The following SORCS3 variants were observed in gnomAD, a reference collection of about 807,000 sequenced individuals.
SORCS3 encodes VPS10 domain-containing receptor SorCS3.
In SORCS3, 57 loss-of-function variants were observed where a neutral mutation model predicts 146.3. The observed-to-expected ratio is 0.39, with a 90% CI of 0.31 to 0.49. The LOEUF (loss-of-function observed/expected upper bound fraction) is 0.49. Among genes scored for constraint, SORCS3 ranks in the 20% least tolerant of loss-of-function variants. The pLI, the probability that SORCS3 is intolerant of heterozygous loss-of-function variation, is 0.92. For synonymous variants in SORCS3, 653 were observed against 618.5 expected, an observed-to-expected ratio of 1.06 and a Z score of -0.83; for missense variants, 1,341 against 1,575.5, an observed-to-expected ratio of 0.85 and a Z score of 2.52.
intron 5 of SORCS3, among the ~76,000 whole-genome samples, chr10:105,071,243 C>T (rs193143927): frequency 6.6e-6 from 1 of 152,274 alleles, no homozygotes; most frequent in African/African-American, 2.4e-5. Context: ...CAAAGAAAAG[C>T]ATAAAATGAA....
rs751176270 is a variant in SORCS3, at chr10:105,255,712, C to T, written c.3248C>T (p.Thr1083Ile). Residue 1083 changes from threonine (T) to isoleucine (I), a missense_variant, in exon 24 of 27, where the codon ACA becomes ATA. Thr to Ile is a moderately conservative substitution (Grantham distance 89). Transcript: ENST00000369701. Reference protein sequence around the residue: ...NEGDLEQIVETLFNALNQNLV... With the variant: ...NEGDLEQIVEILFNALNQNLV... ...GTCTTATTTTTTCAGATTGTAGAAA[C>T]ACTGTTTAATGCTCTCAACCAAAAT... 2.5e-6 allele frequency: 4 copies of T among 1,612,742 alleles called. No individual in the cohort carries two copies. The highest frequency in any genetic ancestry group is 3.4e-6 in the Non-Finnish European group (4 of 1,179,110).
At chr10:104,751,483 G>A in intron 1 of SORCS3, among the ~76,000 whole-genome samples, 1 of 152,174 alleles carries the variant, frequency 6.6e-6, no homozygotes, top group South Asian at 2.1e-4. Context: ...CTCTCATCCA[G>A]ATGAAACAAA....
At chr10:105,233,594 GT>G (rs1208697046) in intron 20 of SORCS3, among the ~76,000 whole-genome samples, 1 of 152,000 alleles carries the variant, frequency 6.6e-6, no homozygotes, top group African/African-American at 2.4e-5. Flanking sequence ...GGTGTGTGAT[GT>G]TCCCCTCCCT....
chr10:105,004,471 G>C (rs187073988), intron 4 of SORCS3, among the ~76,000 whole-genome samples: 2 of 152,130 alleles, frequency 1.3e-5, no homozygotes, highest in African/African-American at 4.8e-5. Flanking sequence ...TAAGGGGTAG[G>C]GGGTACCGAA....
chr10:104,695,843 A>G (rs1482069019), intron 1 of SORCS3, among the ~76,000 whole-genome samples: 2 of 150,954 alleles, frequency 1.3e-5, no homozygotes, highest in East Asian at 1.9e-4. Flanking sequence ...AAATTTATTT[A>G]AAATGACCAC....
rs559349374 is a variant in SORCS3 at position 104,710,702 on chromosome 10, C to T, written c.627+68748C>T. 3.3e-5 allele frequency among the ~76,000 whole-genome samples: 5 copies of T among 151,630 alleles called. No homozygotes were observed. The East Asian group carries it at 9.7e-4, about 29-fold the overall frequency. ...ACCTCATCCAGAGCAATGAATTGTC[C>T]TGAACTGAATATTCTGTAGTTGTCC... On this transcript the variant is annotated intron_variant, in intron 1 of 26. Coordinates refer to ENST00000369701, the MANE Select transcript of SORCS3 (RefSeq NM_014978.3).
At chr10:104,731,722 C>T (rs907649071) in intron 1 of SORCS3, among the ~76,000 whole-genome samples, 7 of 151,840 alleles carry the variant, frequency 4.6e-5, no homozygotes, top group Admixed American at 2.0e-4. Flanking sequence ...GTAGATTTAC[C>T]GAGCTGTGAG....
chr10:104,642,599 A>C (rs1455753029), intron 1 of SORCS3, among the ~76,000 whole-genome samples: 1 of 152,116 alleles, frequency 6.6e-6, no homozygotes, highest in East Asian at 1.9e-4. Flanking sequence ...AAGCCGTAGC[A>C]GAGGCCGTAA....
intron 2 of SORCS3, among the ~76,000 whole-genome samples, chr10:104,874,049 G>C (rs1426009589): frequency 6.6e-6 from 1 of 152,132 alleles, no homozygotes; most frequent in African/African-American, 2.4e-5. Context: ...AAAATTCACT[G>C]CCATGGTAAG....
chr10:104,928,195 G>A (rs750195500), intron 3 of SORCS3, among the ~76,000 whole-genome samples: 12 of 152,120 alleles, frequency 7.9e-5, no homozygotes, highest in Non-Finnish European at 1.0e-4. Flanking sequence ...AGAAGGACCT[G>A]GGGAGCCATA....
At position 104,838,820 on chromosome 10, in the gene SORCS3, A is replaced by G. The variant is rs578146062; in HGVS notation, c.628-3972A>G. Among the ~76,000 whole-genome samples, 7 of 152,042 alleles carry G rather than the reference A, an allele frequency of 4.6e-5. No individual in the cohort carries two copies. In the East Asian group the frequency reaches 1.4e-3, roughly 30 times the overall value. ...TTGCCACAGAAGATTTTCGAATCCT[A>G]CTCAGGGTCCATCGAGTCAGACTTA... On this transcript the variant is annotated intron_variant, in intron 1 of 26. Coordinates refer to ENST00000369701, the MANE Select transcript of SORCS3 (RefSeq NM_014978.3).
chr10:105,191,743 A>G (rs2056518221), intron 14 of SORCS3, among the ~76,000 whole-genome samples: 1 of 152,058 alleles, frequency 6.6e-6, no homozygotes, highest in Non-Finnish European at 1.5e-5. Flanking sequence ...GGAATGCACA[A>G]CCTAGATCCT....
chr10:105,034,138 G>C (rs1028204612), intron 4 of SORCS3, among the ~76,000 whole-genome samples: 1 of 152,108 alleles, frequency 6.6e-6, no homozygotes, highest in Non-Finnish European at 1.5e-5. Context: ...TGGAATAAGA[G>C]AACGGAGAGC....
chr10:105,057,889 T>C (rs2133715596), intron 5 of SORCS3, among the ~76,000 whole-genome samples: 1 of 152,274 alleles, frequency 6.6e-6, no homozygotes, highest in East Asian at 1.9e-4. Flanking sequence ...AAATTCTCAT[T>C]TAGGAATCCT....
At chr10:104,755,825 C>A (rs2133472421) in intron 1 of SORCS3, among the ~76,000 whole-genome samples, 1 of 152,286 alleles carries the variant, frequency 6.6e-6, no homozygotes, top group African/African-American at 2.4e-5. Flanking sequence ...AGTTATCACA[C>A]AGAATCATAA....
intron 1 of SORCS3, among the ~76,000 whole-genome samples, chr10:104,735,904 A>G (rs1190060791): frequency 6.6e-6 from 1 of 152,136 alleles, no homozygotes; most frequent in Non-Finnish European, 1.5e-5. Context: ...CCCCCAAGAA[A>G]AGAAATGCAG....
At chr10:105,180,999 C>T (rs1387172700) in intron 14 of SORCS3, among the ~76,000 whole-genome samples, 1 of 152,154 alleles carries the variant, frequency 6.6e-6, no homozygotes, top group Non-Finnish European at 1.5e-5. Flanking sequence ...TTCATCTACC[C>T]TTAAGACAGA....
At chr10:105,143,556 C>G (rs574829368) in intron 8 of SORCS3, among the ~76,000 whole-genome samples, 1 of 152,258 alleles carries the variant, frequency 6.6e-6, no homozygotes, top group Non-Finnish European at 1.5e-5. Flanking sequence ...CTTATATACT[C>G]CATTTGTTTC....
intron 2 of SORCS3, among the ~76,000 whole-genome samples, chr10:104,867,348 C>T (rs767674660): frequency 5.4e-5 from 8 of 149,160 alleles, no homozygotes; most frequent in African/African-American, 2.0e-4. Flanking sequence ...CTCGCTCTGT[C>T]GCCCAGGCTG....
Sources: allele counts gnomAD v4.1 joint callset (sites outside exome capture counted in the v4.1 genomes callset), GRCh38; gene constraint gnomAD v4.1.1; transcripts MANE v1.5; gene names NCBI Gene and HGNC (gene_info 2026-07-23, HGNC 2026-07-21).